The following ADAMTS12 variants were observed in gnomAD, a reference collection of about 807,000 sequenced individuals.
ADAMTS12 encodes the protein A disintegrin and metalloproteinase with thrombospondin motifs 12.
In ADAMTS12, 118 loss-of-function variants were observed where a neutral mutation model predicts 167.8. The observed-to-expected ratio is 0.70, with a 90% CI of 0.61 to 0.82. The LOEUF is 0.82. Ranked by LOEUF, ADAMTS12 falls within the 40% of genes least tolerant of loss-of-function variation. The pLI, the probability that ADAMTS12 is intolerant of heterozygous loss-of-function variation, is 0.00. For missense variants in ADAMTS12, 1,916 were observed against 1,998.8 expected (o/e 0.96, Z 0.79); for synonymous variants, 704 against 716.9 (o/e 0.98, Z 0.29).
In ADAMTS12 at chr5:33,670,977, C is replaced by T. The variant is rs114302884; in HGVS notation, c.916-8937G>A. Among the ~76,000 whole-genome samples the T allele has an allele frequency of 6.4e-3, 980 of 152,002 alleles. 6 individuals carry two copies. The highest frequency in any genetic ancestry group is 0.023 in the African/African-American group (947 of 41,468). On this transcript the variant is annotated intron_variant, in intron 5 of 23. Transcript: ENST00000504830. ...GTACATATCATAGAATACCACTCAG[C>T]AAAAAGGGGAAAAACTCTTGATACA...
chr5:33,794,340 C>T (rs575634654), intron 2 of ADAMTS12, among the ~76,000 whole-genome samples: 1 of 152,254 alleles, frequency 6.6e-6, no homozygotes, highest in East Asian at 1.9e-4. Flanking sequence ...CTTGGGATTG[C>T]TGGTTTGTTC....
chr5:33,587,326 A>C (rs986503492), intron 18 of ADAMTS12, among the ~76,000 whole-genome samples: 1 of 152,186 alleles, frequency 6.6e-6, no homozygotes, highest in Admixed American at 6.5e-5. Flanking sequence ...TTTTGATCAC[A>C]TTATTCATTT....
At chr5:33,705,685 C>T (rs1430209013) in intron 3 of ADAMTS12, among the ~76,000 whole-genome samples, 1 of 151,000 alleles carries the variant, frequency 6.6e-6, no homozygotes, top group Non-Finnish European at 1.5e-5. Context: ...TGCTGGGCAC[C>T]TGTAGTCCAG....
At chr5:33,574,020 A>G (rs1746532133) in intron 19 of ADAMTS12, among the ~76,000 whole-genome samples, 1 of 152,230 alleles carries the variant, frequency 6.6e-6, no homozygotes, top group South Asian at 2.1e-4. Flanking sequence ...TGGCCATCAG[A>G]CAAATGCAAA....
rs535850773 is a variant in ADAMTS12 at position 33,626,629 on chromosome 5, G to A, written c.2023-2278C>T. 1.4e-3 allele frequency among the ~76,000 whole-genome samples: 215 copies of A among 149,490 alleles called. 2 individuals carry two copies. Among genetic ancestry groups the A allele is most frequent in the Admixed American group, 4.6e-3 (69 of 14,970 alleles). ...TGGTGGTGGTGAGGTGACGGTGGTG[G>A]TGATTTGATGATGGTGTTGGTGGTG... On this transcript the variant is annotated intron_variant, in intron 13 of 23. Coordinates refer to ENST00000504830, the MANE Select transcript of ADAMTS12 (RefSeq NM_030955.4).
At chr5:33,562,168 A>C (rs1233183544) in intron 19 of ADAMTS12, among the ~76,000 whole-genome samples, 1 of 152,106 alleles carries the variant, frequency 6.6e-6, no homozygotes, top group Non-Finnish European at 1.5e-5. Context: ...GCCTTTTAGC[A>C]AGCTCCCAGG....
chr5:33,591,110 G>A (rs1342156843), intron 17 of ADAMTS12, among the ~76,000 whole-genome samples: 2 of 147,226 alleles, frequency 1.4e-5, no homozygotes, highest in East Asian at 2.1e-4. Context: ...GTGTGTATGT[G>A]TGTGCCTATG....
chr5:33,891,797 G>T lies in ADAMTS12; in HGVS notation c.60C>A (p.Asn20Lys). The T allele has an allele frequency of 6.2e-7, 1 of 1,614,244 alleles. No individual in the cohort carries two copies. Among genetic ancestry groups the T allele is most frequent in the Non-Finnish European group, 8.5e-7 (1 of 1,180,034 alleles). ...ANLSVVAQLL[N>K]FGALCYGRQP... is the part of the protein sequence containing the mutation. Reference sequence around the variant, plus strand: ...GTCTCCCATAGCAAAGCGCCCCAAAGTTAAGGAGCTGAGCCACCACGGAAA... The same window carrying T: ...GTCTCCCATAGCAAAGCGCCCCAAATTTAAGGAGCTGAGCCACCACGGAAA... Residue 20 changes from asparagine to lysine, a missense_variant, in exon 1 of 24, where the codon AAC becomes AAA. By Grantham distance (94) the Asn-to-Lys change is moderately conservative. Coordinates refer to ENST00000504830, the MANE Select transcript of ADAMTS12 (RefSeq NM_030955.4).
At chr5:33,578,491 C>T (rs1324636049) in intron 18 of ADAMTS12, among the ~76,000 whole-genome samples, 1 of 152,102 alleles carries the variant, frequency 6.6e-6, no homozygotes, top group Non-Finnish European at 1.5e-5. Flanking sequence ...TAAAAGCTAT[C>T]CAAAGGCAGG....
At chr5:33,874,674 C>G (rs1750159954) in intron 2 of ADAMTS12, among the ~76,000 whole-genome samples, 1 of 152,172 alleles carries the variant, frequency 6.6e-6, no homozygotes, top group African/African-American at 2.4e-5. Context: ...AACTTAAAAG[C>G]AACGAAGATG....
chr5:33,686,991 C>A (rs1742358116), intron 3 of ADAMTS12, among the ~76,000 whole-genome samples: 1 of 150,326 alleles, frequency 6.7e-6, no homozygotes, highest in African/African-American at 2.4e-5. Context: ...TGATCTTGGA[C>A]TTCAAGTCTC....
intron 3 of ADAMTS12, among the ~76,000 whole-genome samples, chr5:33,705,908 G>T (rs1743186238): frequency 6.6e-6 from 1 of 151,948 alleles, no homozygotes; most frequent in African/African-American, 2.4e-5. Flanking sequence ...AACATATCTA[G>T]AAATAAATTT....
chr5:33,687,088 G>GTT (rs11374890), intron 3 of ADAMTS12, among the ~76,000 whole-genome samples: 328 of 146,910 alleles, frequency 2.2e-3, no homozygotes, highest in Middle Eastern at 3.5e-3. Flanking sequence ...TAAGACATGA[G>GTT]TTTTTTTTTT....
At chr5:33,665,679 A>G (rs1450921980) in intron 5 of ADAMTS12, among the ~76,000 whole-genome samples, 1 of 152,186 alleles carries the variant, frequency 6.6e-6, no homozygotes. Context: ...ATTAACCTCA[A>G]TAGGGAAGGC....
chr5:33,753,412 C>G (rs1745066838), intron 2 of ADAMTS12, among the ~76,000 whole-genome samples: 1 of 152,136 alleles, frequency 6.6e-6, no homozygotes, highest in South Asian at 2.1e-4. Flanking sequence ...CTGTGCAGTA[C>G]TGAGATTTGG....
At chr5:33,887,048 A>G (rs573101166) in intron 1 of ADAMTS12, among the ~76,000 whole-genome samples, 18 of 152,136 alleles carry the variant, frequency 1.2e-4, no homozygotes, top group Middle Eastern at 3.4e-3. Context: ...AGAAGCCCAC[A>G]CTCACCATAG....
intron 2 of ADAMTS12, among the ~76,000 whole-genome samples, chr5:33,860,350 A>G (rs1412113235): frequency 6.6e-6 from 1 of 152,228 alleles, no homozygotes; most frequent in Admixed American, 6.5e-5. Context: ...ACACAGCACA[A>G]GAACTTCGTG....
chr5:33,713,821 C>T (rs540786400), intron 3 of ADAMTS12, among the ~76,000 whole-genome samples: 1 of 152,092 alleles, frequency 6.6e-6, no homozygotes, highest in African/African-American at 2.4e-5. Context: ...GATTATATGA[C>T]AAGAATCTAC....
chr5:33,750,035 G>C (rs2112388400), intron 3 of ADAMTS12, among the ~76,000 whole-genome samples: 1 of 152,238 alleles, frequency 6.6e-6, no homozygotes, highest in Non-Finnish European at 1.5e-5. Context: ...ATCACAAAGT[G>C]TTCCCCATCA....
Sources: gnomAD v4.1 joint callset for allele counts (sites outside exome capture counted in the v4.1 genomes callset) on GRCh38, gnomAD v4.1.1 for gene constraint, MANE v1.5 for transcripts, NCBI Gene and HGNC (gene_info 2026-07-23, HGNC 2026-07-21) for gene names.